The following MKLN1 variants were observed in gnomAD, a reference collection of about 807,000 sequenced individuals.
MKLN1 encodes the protein muskelin 1.
In MKLN1, 18 loss-of-function variants were observed where a neutral mutation model predicts 99.0. That is an observed-to-expected ratio of 0.18 (90% CI 0.13 to 0.27). The LOEUF (loss-of-function observed/expected upper bound fraction) is 0.27, where lower values mean the gene tolerates loss of function less well. Among genes scored for constraint, MKLN1 ranks in the 10% least tolerant of loss-of-function variants. The probability of loss-of-function intolerance (pLI) is 1.00; values close to 1 mark genes in which losing one functional copy is unlikely to be tolerated. For missense variants in MKLN1, 621 were observed against 875.9 expected, an observed-to-expected ratio of 0.71 and a Z score of 3.67; for synonymous variants, 288 against 293.2, an observed-to-expected ratio of 0.98 and a Z score of 0.18.
chr7:131,289,666 C>T (rs561119637), intron 3 of MKLN1, among the ~76,000 whole-genome samples: 1 of 152,264 alleles, frequency 6.6e-6, no homozygotes, highest in Admixed American at 6.5e-5. Context: ...CATTTGGGGG[C>T]AGTTATTTAA....
chr7:131,301,856 A>G (rs1798381076), intron 3 of MKLN1, among the ~76,000 whole-genome samples: 1 of 152,194 alleles, frequency 6.6e-6, no homozygotes, highest in Admixed American at 6.5e-5. Flanking sequence ...TTCAAGGGGA[A>G]GAGGTGGAGA....
intron 2 of MKLN1, among the ~76,000 whole-genome samples, chr7:131,380,227 T>C (rs1793802399): frequency 6.6e-6 from 1 of 152,162 alleles, no homozygotes; most frequent in African/African-American, 2.4e-5. Flanking sequence ...CAGTAGAAGA[T>C]ATACTTTTTT....
At chr7:131,183,489 A>G (rs1204951297) in intron 2 of MKLN1, among the ~76,000 whole-genome samples, 1 of 152,210 alleles carries the variant, frequency 6.6e-6, no homozygotes, top group Non-Finnish European at 1.5e-5. Context: ...TGGAAGGCGT[A>G]AATCTTGCCC....
intron 3 of MKLN1, among the ~76,000 whole-genome samples, chr7:131,257,056 A>T (rs1313754348): frequency 6.6e-6 from 1 of 152,194 alleles, no homozygotes; most frequent in African/African-American, 2.4e-5. Context: ...AAGACATAAA[A>T]TCGTATTAAG....
chr7:131,178,279 C>CTTTTTTTTT (rs35412933), intron 2 of MKLN1, among the ~76,000 whole-genome samples: 21 of 72,560 alleles, frequency 2.9e-4, no homozygotes, highest in Non-Finnish European at 4.7e-4. Context: ...ACATGCCCGG[C>CTTTTTTTTT]TTTTTTTTTT....
chr7:131,299,951 G>A (rs1442637701), intron 3 of MKLN1, among the ~76,000 whole-genome samples: 1 of 152,120 alleles, frequency 6.6e-6, no homozygotes, highest in African/African-American at 2.4e-5. Context: ...AATAATAAAA[G>A]CAAGATATTT....
chr7:131,251,539 G>A (rs1461234995), intron 3 of MKLN1, among the ~76,000 whole-genome samples: 6 of 152,088 alleles, frequency 3.9e-5, no homozygotes, highest in East Asian at 3.8e-4. Flanking sequence ...GGCTGATGGC[G>A]GTACTTATTA....
chr7:131,445,938 T>G (rs371055150), intron 12 of MKLN1, 35 bp downstream of exon 12: 4 of 1,481,332 alleles, frequency 2.7e-6, no homozygotes, highest in Non-Finnish European at 3.7e-6. Flanking sequence ...TCTCATGTCT[T>G]AACTACTTTA....
chr7:131,454,508 C>T (rs1335584181), intron 12 of MKLN1, among the ~76,000 whole-genome samples: 1 of 152,158 alleles, frequency 6.6e-6, no homozygotes, highest in East Asian at 1.9e-4. Context: ...TTTAAAATGT[C>T]CCAACTTTCA....
chr7:131,191,923 T>G (rs796949789), intron 2 of MKLN1, among the ~76,000 whole-genome samples: 69 of 150,074 alleles, frequency 4.6e-4, no homozygotes, highest in African/African-American at 1.7e-3. Context: ...TTTCACCATG[T>G]TGCCCAGGGT....
intron 3 of MKLN1, among the ~76,000 whole-genome samples, chr7:131,283,343 CCCCTCCTTCCTTCCTTCCTT>C (rs1300013605): frequency 0.05 from 3,699 of 74,640 alleles, 299 homozygotes; most frequent in African/African-American, 0.24. Context: ...CCCTTCCCTT[CCCCTCCTTCCTTCCTTCCTT>C]CCTTCCTTCC....
intron 12 of MKLN1, among the ~76,000 whole-genome samples, chr7:131,461,511 G>A (rs1340846620): frequency 6.6e-6 from 1 of 151,948 alleles, no homozygotes; most frequent in Non-Finnish European, 1.5e-5. Context: ...CATTTGGATA[G>A]TCTTTAAAAT....
chr7:131,161,323 G>A (rs958630327), intron 2 of MKLN1, among the ~76,000 whole-genome samples: 6 of 152,178 alleles, frequency 3.9e-5, no homozygotes, highest in African/African-American at 1.4e-4. Context: ...TCTCCGGTAT[G>A]GTAGCCACGG....
intron 3 of MKLN1, among the ~76,000 whole-genome samples, chr7:131,251,094 T>C (rs10267661): frequency 3.5e-4 from 16 of 46,076 alleles, no homozygotes; most frequent in African/African-American, 5.6e-4. Flanking sequence ...GGGGCCCAGA[T>C]GTGTGTGTGT....
intron 2 of MKLN1, among the ~76,000 whole-genome samples, chr7:131,144,700 G>A (rs995731285): frequency 1.4e-4 from 21 of 151,708 alleles, no homozygotes; most frequent in Admixed American, 2.0e-4. Context: ...GATGCAGGCC[G>A]GGTACAGTGG....
intron 3 of MKLN1, among the ~76,000 whole-genome samples, chr7:131,295,897 A>G (rs937453621): frequency 6.6e-6 from 1 of 151,894 alleles, no homozygotes; most frequent in Non-Finnish European, 1.5e-5. Flanking sequence ...AAAAAAAAAA[A>G]AGGAAAAAAC....
chr7:131,179,269 C>T (rs922580872), intron 2 of MKLN1, among the ~76,000 whole-genome samples: 2 of 152,214 alleles, frequency 1.3e-5, no homozygotes, highest in Non-Finnish European at 2.9e-5. Context: ...TCTCACTACT[C>T]CCTTAAGCAG....
chr7:131,115,486 C>T (rs969446499), intron 1 of MKLN1, among the ~76,000 whole-genome samples: 2 of 152,216 alleles, frequency 1.3e-5, no homozygotes, highest in African/African-American at 2.4e-5. Context: ...CTCTTGTCCT[C>T]ATTCACCACA....
chr7:131,171,155 G>A (rs1211993889), intron 2 of MKLN1, among the ~76,000 whole-genome samples: 1 of 152,166 alleles, frequency 6.6e-6, no homozygotes, highest in South Asian at 2.1e-4. Flanking sequence ...ACAGGGAGGA[G>A]GTCATTGGAT....
Sources: gnomAD v4.1 joint callset for allele counts (sites outside exome capture counted in the v4.1 genomes callset) on GRCh38, gnomAD v4.1.1 for gene constraint, MANE v1.5 for transcripts, NCBI Gene and HGNC (gene_info 2026-07-23, HGNC 2026-07-21) for gene names.